COP1: variants seen among roughly 807,000 people sequenced by gnomAD.
The protein encoded by COP1 is E3 ubiquitin-protein ligase COP1.
Under a neutral mutation model 101.3 loss-of-function variants are expected in COP1, and 24 were observed. The observed-to-expected ratio is 0.24, with a 90% CI of 0.17 to 0.33. The LOEUF (loss-of-function observed/expected upper bound fraction) is 0.33, where lower values mean the gene tolerates loss of function less well. Among genes scored for constraint, COP1 ranks in the 10% least tolerant of loss-of-function variants. COP1 has a pLI of 1.00. For synonymous variants in COP1, 347 were observed against 341.9 expected (o/e 1.01, Z -0.17); for missense variants, 663 against 906.2 (o/e 0.73, Z 3.45).
At chr1:175,973,251 AAG>A (rs1204505467) in intron 18 of COP1, among the ~76,000 whole-genome samples, 1 of 152,224 alleles carries the variant, frequency 6.6e-6, no homozygotes, top group Admixed American at 6.5e-5. Context: ...AGTTTAGTAA[AAG>A]AGTTAACTTT....
At chr1:176,108,057 C>A (rs1572276385) in intron 9 of COP1, among the ~76,000 whole-genome samples, 1 of 150,596 alleles carries the variant, frequency 6.6e-6, no homozygotes, top group South Asian at 2.1e-4. Flanking sequence ...CTATAAAGGA[C>A]ATTAGTGAAT....
At position 176,149,016 on chromosome 1, in the gene COP1, T is replaced by C. The variant is rs1362163964; in HGVS notation, c.821A>G (p.Asn274Ser). 6.3e-7 allele frequency: 1 copy of C among 1,578,530 alleles called. No homozygotes were observed. Among genetic ancestry groups the C allele is most frequent in the Non-Finnish European group, 8.7e-7 (1 of 1,153,906 alleles). The change falls in exon 6 of 20, where the codon AAT becomes AGT. Residue 274 changes from asparagine to serine, a missense_variant. Coordinates refer to ENST00000367669, the MANE Select transcript of COP1 (RefSeq NM_022457.7). ...CACAAAATAATATACCTCTCTCTTA[T>C]TTCTTCTTGCAACCTTGAGGAATTC... ...LMEFLKVARR[N>S]KREQLEQIQK...
chr1:176,019,465 AT>A (rs1666302979), intron 15 of COP1, among the ~76,000 whole-genome samples: 3 of 27,086 alleles, frequency 1.1e-4, no homozygotes. Flanking sequence ...TCCATCTCAA[AT>A]AATAATAATA....
At position 175,977,133 on chromosome 1, in the gene COP1, A is replaced by C. The variant is rs1378767391; in HGVS notation, c.2133+9810T>G. Among the ~76,000 whole-genome samples the C allele has an allele frequency of 2.6e-5, 4 of 152,278 alleles. No individual in the cohort carries two copies. The East Asian group carries it at 7.7e-4, about 29-fold the overall frequency. ...TTGAAGTCGGATTTACTTTCTACAC[A>C]ATCTATTCCCTAAAGCTTTCTACTT... On this transcript the variant is annotated intron_variant, in intron 18 of 19. Transcript: ENST00000367669.
At chr1:176,080,991 G>C (rs527401521) in intron 11 of COP1, among the ~76,000 whole-genome samples, 161 bp downstream of exon 11, 72 of 152,160 alleles carry the variant, frequency 4.7e-4, no homozygotes, top group Admixed American at 1.3e-3. Context: ...GAAGAAATTT[G>C]GCATATAGAA....
At chr1:176,135,169 C>G in intron 7 of COP1, 83 bp from the exon 8 acceptor site, 1 of 901,912 alleles carries the variant, frequency 1.1e-6, no homozygotes, top group Non-Finnish European at 1.7e-6. Flanking sequence ...ATATTCCTTT[C>G]TATTCCCAGG....
At chr1:176,193,113 T>G (rs1699291860) in intron 1 of COP1, among the ~76,000 whole-genome samples, 1 of 152,200 alleles carries the variant, frequency 6.6e-6, no homozygotes, top group South Asian at 2.1e-4. Context: ...AGTTAATTAT[T>G]AAAAATGAAA....
intron 9 of COP1, among the ~76,000 whole-genome samples, chr1:176,090,264 T>TA (rs1203134455): frequency 6.6e-6 from 1 of 152,174 alleles, no homozygotes; most frequent in Non-Finnish European, 1.5e-5. Flanking sequence ...GTAAACTTCC[T>TA]AAGTAATGAC....
chr1:176,088,738 G>T (rs1680688277), intron 9 of COP1, among the ~76,000 whole-genome samples: 1 of 152,070 alleles, frequency 6.6e-6, no homozygotes. Context: ...GCTCGTACCT[G>T]TAATCCCAGC....
intron 2 of COP1, among the ~76,000 whole-genome samples, chr1:176,179,398 A>C (rs191841263): frequency 1.3e-5 from 2 of 152,306 alleles, no homozygotes; most frequent in East Asian, 3.9e-4. Flanking sequence ...AAATGATAGA[A>C]AATGTGCATA....
chr1:176,049,676 A>G (rs1672207030), intron 11 of COP1, among the ~76,000 whole-genome samples: 2 of 152,246 alleles, frequency 1.3e-5, no homozygotes, highest in South Asian at 4.1e-4. Context: ...TATCTCTGAC[A>G]TATTTAATCA....
chr1:176,071,841 G>A (rs1677060677), intron 11 of COP1, among the ~76,000 whole-genome samples: 1 of 152,122 alleles, frequency 6.6e-6, no homozygotes, highest in Non-Finnish European at 1.5e-5. Context: ...CCTAATTAAT[G>A]CTTGTTTTGT....
rs986206040 is a variant in COP1 at position 176,006,555 on chromosome 1, A to T, written c.1730-17076T>A. Among the ~76,000 whole-genome samples, 397 of 152,166 alleles carry T rather than the reference A, an allele frequency of 2.6e-3. 3 individuals carry two copies. The highest frequency in any genetic ancestry group is 9.1e-3 in the African/African-American group (379 of 41,514). On this transcript the variant is annotated intron_variant, in intron 15 of 19. Coordinates refer to ENST00000367669, the MANE Select transcript of COP1 (RefSeq NM_022457.7). ...TTAGGGCAGGCCTGGTGGTGACAAAATCCCTCAGCATTTGCTGGTCTGTAA... is the reference window on the plus strand; with the variant it reads ...TTAGGGCAGGCCTGGTGGTGACAAATTCCCTCAGCATTTGCTGGTCTGTAA...
At chr1:176,201,382 A>C (rs1369282199) in intron 1 of COP1, among the ~76,000 whole-genome samples, 1 of 152,162 alleles carries the variant, frequency 6.6e-6, no homozygotes, top group Non-Finnish European at 1.5e-5. Context: ...TAATTATATA[A>C]AATATGAAAA....
intron 18 of COP1, among the ~76,000 whole-genome samples, chr1:175,949,905 T>C (rs984014277): frequency 1.3e-5 from 2 of 152,190 alleles, no homozygotes; most frequent in Admixed American, 6.5e-5. Flanking sequence ...AATTACATAA[T>C]TGAAACTTCT....
chr1:176,052,768 C>T (rs1672784707), intron 11 of COP1, among the ~76,000 whole-genome samples: 3 of 152,228 alleles, frequency 2.0e-5, no homozygotes, highest in South Asian at 4.1e-4. Flanking sequence ...TGCATAAACA[C>T]GCATACACGT....
intron 15 of COP1, among the ~76,000 whole-genome samples, chr1:175,991,907 T>C (rs1658588510): frequency 6.6e-6 from 1 of 152,150 alleles, no homozygotes; most frequent in South Asian, 2.1e-4. Context: ...CTGGAATGTC[T>C]CCTGAAGGGC....
chr1:176,179,217 G>T (rs1352307898), intron 2 of COP1, among the ~76,000 whole-genome samples: 2 of 151,780 alleles, frequency 1.3e-5, no homozygotes, highest in East Asian at 3.9e-4. Flanking sequence ...TTGACCCTGG[G>T]GGGCAGAGGT....
chr1:176,187,301 T>C (rs898861272), intron 1 of COP1, among the ~76,000 whole-genome samples: 7 of 151,972 alleles, frequency 4.6e-5, no homozygotes, highest in African/African-American at 1.7e-4. Context: ...CATATATATA[T>C]ACATACACAC....
Sources: gnomAD v4.1 joint callset for allele counts (sites outside exome capture counted in the v4.1 genomes callset) on GRCh38, gnomAD v4.1.1 for gene constraint, MANE v1.5 for transcripts, NCBI Gene and HGNC (gene_info 2026-07-23, HGNC 2026-07-21) for gene names.